Variants in LRRK1 observed in about 807,000 individuals in gnomAD.
LRRK1 encodes the protein leucine rich repeat kinase 1.
LRRK1 carries 113 observed loss-of-function variants against 209.1 expected under a neutral mutation model. That is an observed-to-expected ratio of 0.54 (90% CI 0.46 to 0.63). The LOEUF (loss-of-function observed/expected upper bound fraction) is 0.63, where lower values mean the gene tolerates loss of function less well. LRRK1 is among the 30% of genes least tolerant of loss of function. The probability of loss-of-function intolerance (pLI) is 0.00; values close to 1 mark genes in which losing one functional copy is unlikely to be tolerated. For missense variants in LRRK1, 2,284 were observed against 2,632.2 expected, an observed-to-expected ratio of 0.87 and a Z score of 2.89; for synonymous variants, 1,144 against 1,099.7, an observed-to-expected ratio of 1.04 and a Z score of -0.80.
At position 101,024,039 on chromosome 15, in the gene LRRK1, C is replaced by T. The variant is rs1279996622; in HGVS notation, c.2068-764C>T. On this transcript the variant is annotated intron_variant, in intron 15 of 33. Coordinates refer to ENST00000388948, the MANE Select transcript of LRRK1 (RefSeq NM_024652.6). The surrounding 1 kb of genome is among the most constrained non-coding windows in gnomAD (Gnocchi z 4.6). ...TGCTTCTATTTTTCCTGACCTTCAC[C>T]CCCACTTCCTTTCTGCGATGATTAA... is the stretch of plus-strand genomic sequence containing the variant. 1.3e-5 allele frequency among the ~76,000 whole-genome samples: 2 copies of T among 152,148 alleles called. No individual in the cohort carries two copies. The highest frequency in any genetic ancestry group is 4.8e-5 in the African/African-American group (2 of 41,420).
chr15:101,014,504 T>C (rs2033435412), intron 11 of LRRK1, 76 bp downstream of exon 11: 2 of 992,946 alleles, frequency 2.0e-6, no homozygotes, highest in Non-Finnish European at 3.2e-6. Context: ...CTCTGAATGG[T>C]GGCATGTGAG....
rs1474182122 is a variant in LRRK1 at position 100,962,812 on chromosome 15, T to TATATATACACATATATATATAC, written c.98-10985_98-10984insCACATATATATATACATATATA. 9.5e-5 allele frequency among the ~76,000 whole-genome samples: 3 copies of TATATATACACATATATATATAC among 31,666 alleles called. 1 individual carries two copies. The highest frequency in any genetic ancestry group is 1.4e-4 in the Non-Finnish European group (2 of 14,142). The allele number at this position is 31,666 out of a possible 152,430, so 20.8% of individuals were successfully genotyped here. ...CATTTTGCATATATATATATATATA[T>TATATATACACATATATATATAC]ATATATATATATTTTTTTTTTTTTT... On this transcript the variant is annotated intron_variant, in intron 2 of 33. Coordinates refer to ENST00000388948, the MANE Select transcript of LRRK1 (RefSeq NM_024652.6).
At chr15:100,941,370 G>GTGTC (rs1567190876) in intron 2 of LRRK1, among the ~76,000 whole-genome samples, 5 of 73,014 alleles carry the variant, frequency 6.8e-5, no homozygotes, top group African/African-American at 1.4e-4. Context: ...GTGTGTGCCT[G>GTGTC]TATGTGTGTG....
rs539591032 is a variant in LRRK1 at position 100,994,393 on chromosome 15, C to G, written c.762+4995C>G. On this transcript the variant is annotated intron_variant, in intron 6 of 33. Coordinates refer to ENST00000388948, the MANE Select transcript of LRRK1 (RefSeq NM_024652.6). ...TAAATCTGAATCTGTAGCGTGAGAC[C>G]CGGCATGAGGAGTTTTAGAAATTCT... Among the ~76,000 whole-genome samples, 512 of 152,290 alleles carry G rather than the reference C, an allele frequency of 3.4e-3. 1 individual carries two copies. Among genetic ancestry groups the G allele is most frequent in the Non-Finnish European group, 5.7e-3 (386 of 68,016 alleles).
At chr15:101,026,173 G>A in intron 17 of LRRK1, 36 bp downstream of exon 17, 2 of 1,594,272 alleles carry the variant, frequency 1.3e-6, no homozygotes, top group Non-Finnish European at 1.7e-6. Flanking sequence ...CTGCCTTCTT[G>A]TGGGTGCCAG....
At chr15:101,068,625 G>C (rs770086096) in intron 33 of LRRK1, 46 bp from the exon 34 acceptor site, 2 of 1,524,418 alleles carry the variant, frequency 1.3e-6, no homozygotes, top group South Asian at 1.3e-5. Flanking sequence ...AACCCCACCC[G>C]AGTGGGAACC....
chr15:100,962,821 A>ATTT (rs1430253898), intron 2 of LRRK1, among the ~76,000 whole-genome samples: 1 of 14,696 alleles, frequency 6.8e-5, no homozygotes, highest in African/African-American at 2.2e-4. Flanking sequence ...ATATATATAT[A>ATTT]TATTTTTTTT....
chr15:100,932,626 G>T (rs1199924326), intron 2 of LRRK1, among the ~76,000 whole-genome samples: 3 of 152,174 alleles, frequency 2.0e-5, no homozygotes, highest in Non-Finnish European at 4.4e-5. Flanking sequence ...AGACAGAAGG[G>T]ACTATAATAT....
At chr15:101,053,551 A>C (rs1299557576) in intron 26 of LRRK1, 131 bp downstream of exon 26, 3 of 780,624 alleles carry the variant, frequency 3.8e-6, no homozygotes, top group Non-Finnish European at 6.0e-6. Flanking sequence ...GGCTCGTGTG[A>C]CCATCCCCTG....
intron 4 of LRRK1, among the ~76,000 whole-genome samples, chr15:100,988,256 C>A (rs1271971664): frequency 1.3e-5 from 2 of 149,388 alleles, no homozygotes; most frequent in Non-Finnish European, 3.0e-5. Context: ...GGGTAATAAG[C>A]ATGGGACTCA....
At chr15:101,042,908 G>A (rs1049822104) in intron 20 of LRRK1, among the ~76,000 whole-genome samples, 4 of 152,138 alleles carry the variant, frequency 2.6e-5, no homozygotes, top group Admixed American at 6.5e-5. Flanking sequence ...TGAACTGAAC[G>A]CCTCCCCTCG....
intron 23 of LRRK1, chr15:101,050,899 T>G (rs1282996567): frequency 1.3e-5 from 2 of 152,438 alleles, no homozygotes; most frequent in Admixed American, 1.3e-4. Context: ...TGAACCCTTC[T>G]GGGCACTTTG....
chr15:100,981,286 T>A (rs1465354652), intron 3 of LRRK1, among the ~76,000 whole-genome samples: 2 of 152,114 alleles, frequency 1.3e-5, no homozygotes, highest in East Asian at 3.9e-4. Flanking sequence ...ACCGACCGAG[T>A]CTAGACAGCT....
At chr15:100,980,618 A>G (rs1567213127) in intron 3 of LRRK1, among the ~76,000 whole-genome samples, 3 of 152,180 alleles carry the variant, frequency 2.0e-5, no homozygotes, top group Admixed American at 6.5e-5. Context: ...CCATCGGGGG[A>G]AACTGGATGA....
chr15:101,068,771 G>A lies in LRRK1; in HGVS notation c.5971G>A (p.Ala1991Thr), dbSNP rs551580410. 22 of 1,613,704 alleles carry A rather than the reference G, an allele frequency of 1.4e-5. No individual in the cohort carries two copies. The highest frequency in any genetic ancestry group is 1.2e-4 in the Admixed American group (7 of 59,994). The change falls in exon 34 of 34, where the codon GCC (alanine) becomes ACC (threonine). Residue 1991 changes from alanine (A) to threonine (T), a missense_variant. Transcript: ENST00000388948. Reference protein sequence around the residue: ...WCLAVWRGWGAREFDIFYQSY... With the variant: ...WCLAVWRGWGTREFDIFYQSY... ...CCTGGCCGTCTGGAGGGGCTGGGGC[G>A]CCAGGGAGTTCGACATTTTCTACCA... is the stretch of plus-strand genomic sequence containing the variant.
intron 20 of LRRK1, among the ~76,000 whole-genome samples, chr15:101,032,904 G>A (rs1395132586): frequency 6.6e-6 from 1 of 152,190 alleles, no homozygotes; most frequent in Non-Finnish European, 1.5e-5. Flanking sequence ...TTTAGAGTAA[G>A]ACTTGAAATC....
chr15:100,934,739 A>C (rs2042267412), intron 2 of LRRK1, among the ~76,000 whole-genome samples: 1 of 149,272 alleles, frequency 6.7e-6, no homozygotes, highest in Non-Finnish European at 1.5e-5. Context: ...GGAGGCAGAG[A>C]CTGCAGTGAG....
chr15:100,958,048 G>A (rs893557116), intron 2 of LRRK1, among the ~76,000 whole-genome samples: 2 of 152,124 alleles, frequency 1.3e-5, no homozygotes, highest in African/African-American at 4.8e-5. Context: ...GTGTGACAGG[G>A]TTTCACCATG....
chr15:101,021,132 C>T lies in LRRK1; in HGVS notation c.1689C>T (p.Val563=). The part of the protein sequence containing the change: ...LCLNDNHLDT[V]PPSVCLLKSL... ...TGAACGACAACCACCTCGACACAGT[C>T]CCTCCCTCGGTTTGCCTACTGAAGA... is the stretch of plus-strand genomic sequence containing the variant. Residue 563 remains valine (V), a synonymous_variant, in exon 13 of 34, where the codon GTC becomes GTT. Coordinates refer to ENST00000388948, the MANE Select transcript of LRRK1 (RefSeq NM_024652.6). 1.9e-6 allele frequency: 3 copies of T among 1,614,124 alleles called. No homozygotes were observed. The highest frequency in any genetic ancestry group is 2.2e-5 in the South Asian group (2 of 91,072).
Sources: allele counts gnomAD v4.1 joint callset (sites outside exome capture counted in the v4.1 genomes callset), GRCh38; gene constraint gnomAD v4.1.1; non-coding constraint Gnocchi (gnomAD v3.1); transcripts MANE v1.5; gene names NCBI Gene and HGNC (gene_info 2026-07-23, HGNC 2026-07-21).